The following SPIRE2 variants were observed in gnomAD, a reference collection of about 807,000 sequenced individuals.
SPIRE2 encodes protein spire homolog 2.
Under a neutral mutation model 80.7 loss-of-function variants are expected in SPIRE2, and 76 were observed. That is an observed-to-expected ratio of 0.94 (90% CI 0.78 to 1.14). The LOEUF (loss-of-function observed/expected upper bound fraction) is 1.14, where lower values mean the gene tolerates loss of function less well. Ranked by LOEUF, SPIRE2 falls within the 50% of genes most tolerant of loss-of-function variation. The pLI, the probability that SPIRE2 is intolerant of heterozygous loss-of-function variation, is 0.00. For missense variants in SPIRE2, 1,196 were observed against 1,015.3 expected, an observed-to-expected ratio of 1.18 and a Z score of -2.42; for synonymous variants, 535 against 432.6, an observed-to-expected ratio of 1.24 and a Z score of -2.94.
At chr16:89,843,012 T>C (rs766423903) in intron 1 of SPIRE2, among the ~76,000 whole-genome samples, 1 of 152,268 alleles carries the variant, frequency 6.6e-6, no homozygotes, top group Non-Finnish European at 1.5e-5. Context: ...GGCTTAGATA[T>C]AGACGCATAT....
rs533699585 is a variant in SPIRE2, at chr16:89,870,615, T to C, written c.*343T>C. The C allele has an allele frequency of 4.9e-6, 1 of 202,696 alleles. No homozygotes were observed. Among genetic ancestry groups the C allele is most frequent in the Admixed American group, 5.2e-5 (1 of 19,122 alleles). 12.6% of individuals were successfully genotyped at this position (202,696 alleles called of 1,614,324 possible). ...CCATGCTCTTCTCCGTCCCCAGGAA[T>C]GCGAACGGCAGTTTCCCTTCCCCAG... is the stretch of plus-strand genomic sequence containing the variant. On this transcript the variant is annotated 3_prime_UTR_variant, in exon 15 of 15. Coordinates refer to ENST00000378247, the MANE Select transcript of SPIRE2 (RefSeq NM_032451.2).
Position 89,828,869 on chromosome 16 carries a change from C to T in SPIRE2, c.244+75C>T. The T allele has an allele frequency of 9.0e-7, 1 of 1,117,206 alleles. No individual in the cohort carries two copies. The highest frequency in any genetic ancestry group is 1.1e-6 in the Non-Finnish European group (1 of 903,522). The allele number at this position is 1,117,206 out of a possible 1,614,324, so 69.2% of individuals were successfully genotyped here. Reference sequence around the variant, plus strand: ...GTCCCGCCCCCTGGGTGGGGGTGGTCCCGGCGGAGAGGCTGCGACCGGTTC... The same window carrying T: ...GTCCCGCCCCCTGGGTGGGGGTGGTTCCGGCGGAGAGGCTGCGACCGGTTC... On this transcript the variant is annotated intron_variant, in intron 1 of 14. Transcript: ENST00000378247. The surrounding 1 kb of genome is among the most constrained non-coding windows in gnomAD (Gnocchi z 5.9).
intron 1 of SPIRE2, among the ~76,000 whole-genome samples, chr16:89,844,414 G>T (rs1476555787): frequency 6.6e-5 from 10 of 151,042 alleles, no homozygotes; most frequent in Non-Finnish European, 1.5e-4. Flanking sequence ...AGCCTCAAGT[G>T]GTCCACCCAC....
intron 1 of SPIRE2, among the ~76,000 whole-genome samples, chr16:89,844,564 G>A (rs996008224): frequency 7.9e-5 from 12 of 151,436 alleles, no homozygotes; most frequent in Non-Finnish European, 1.5e-4. Context: ...TCACCCTCCC[G>A]AGTAGCTGGG....
intron 12 of SPIRE2, 31 bp from the exon 13 acceptor site, chr16:89,868,158 C>T: frequency 6.2e-7 from 1 of 1,614,022 alleles, no homozygotes; most frequent in South Asian, 1.1e-5. Context: ...TTCCTCCCTG[C>T]TGATGCTGCA....
chr16:89,860,842 T>G, intron 10 of SPIRE2, 47 bp downstream of exon 10: 1 of 1,239,160 alleles, frequency 8.1e-7, no homozygotes, highest in African/African-American at 1.6e-5. Context: ...GGGGGCGTCT[T>G]TGCACCCACC....
intron 1 of SPIRE2, among the ~76,000 whole-genome samples, chr16:89,829,613 C>T (rs1313616606): frequency 6.6e-6 from 1 of 152,206 alleles, no homozygotes; most frequent in Non-Finnish European, 1.5e-5. Context: ...AGGGCCAGGG[C>T]AAGGCCAGAC....
At chr16:89,856,485 C>T (rs1451093806) in intron 7 of SPIRE2, among the ~76,000 whole-genome samples, 4 of 151,972 alleles carry the variant, frequency 2.6e-5, no homozygotes, top group Non-Finnish European at 5.9e-5. Context: ...TGCTCTGTCG[C>T]CCAGGATGGA....
rs868669904 is a variant in SPIRE2 at position 89,843,708 on chromosome 16, T to G, written c.245-1614T>G. The stretch of plus-strand genomic sequence containing the variant: ...TTGTTTTTGTTTTTTGTTTTTTTTT[T>G]TTTTTTTTTGAGACAGAGTCTCGCT... On this transcript the variant is annotated intron_variant, in intron 1 of 14. Coordinates refer to ENST00000378247, the MANE Select transcript of SPIRE2 (RefSeq NM_032451.2). Among the ~76,000 whole-genome samples, 277 of 72,302 alleles carry G rather than the reference T, an allele frequency of 3.8e-3. 3 individuals are homozygous for G. The highest frequency in any genetic ancestry group is 6.0e-3 in the Non-Finnish European group (237 of 39,186). The allele number at this position is 72,302 out of a possible 152,430, so 47.4% of individuals were successfully genotyped here.
Position 89,828,803 on chromosome 16 carries a change from G to A in SPIRE2, c.244+9G>A, listed in dbSNP as rs2041351384. ...GGAGCCCGAGGCCGCGGGTGAGGCC[G>A]GGGGCGGGGCAGCCGGCGGGGACCG... On this transcript the variant is annotated intron_variant, in intron 1 of 14. Coordinates refer to ENST00000378247, the MANE Select transcript of SPIRE2 (RefSeq NM_032451.2). The surrounding 1 kb of genome is among the most constrained non-coding windows in gnomAD (Gnocchi z 5.9). The A allele has an allele frequency of 3.4e-6, 4 of 1,177,360 alleles. No homozygotes were observed. Among genetic ancestry groups the A allele is most frequent in the South Asian group, 8.4e-5 (2 of 23,896 alleles). The allele number at this position is 1,177,360 out of a possible 1,614,324, so 72.9% of individuals were successfully genotyped here. A position where few individuals can be genotyped will look rare whatever the true frequency, so the allele number is the denominator to read the frequency against.
At chr16:89,857,658 C>A (rs920370492) in intron 7 of SPIRE2, among the ~76,000 whole-genome samples, 1 of 151,592 alleles carries the variant, frequency 6.6e-6, no homozygotes, top group Non-Finnish European at 1.5e-5. Context: ...GCAACCTCCA[C>A]CTCCTGGGTT....
At chr16:89,829,905 G>A (rs1388255461) in intron 1 of SPIRE2, among the ~76,000 whole-genome samples, 2 of 151,376 alleles carry the variant, frequency 1.3e-5, no homozygotes, top group Admixed American at 1.3e-4. Flanking sequence ...CCCAGAGGGT[G>A]GGGTGAGACG....
At chr16:89,836,195 CAT>C (rs1194101980) in intron 1 of SPIRE2, 1 of 455,892 alleles carries the variant, frequency 2.2e-6, no homozygotes, top group Non-Finnish European at 4.4e-6. Flanking sequence ...ACAAAACAAA[CAT>C]AGGTTATTCT....
intron 2 of SPIRE2, 68 bp downstream of exon 2, chr16:89,845,433 A>G: frequency 7.5e-7 from 1 of 1,341,356 alleles, no homozygotes; most frequent in South Asian, 1.2e-5. Context: ...TAAAATGTAA[A>G]TCATAAAACA....
At chr16:89,829,943 A>T (rs1346015557) in intron 1 of SPIRE2, among the ~76,000 whole-genome samples, 1 of 151,308 alleles carries the variant, frequency 6.6e-6, no homozygotes, top group African/African-American at 2.4e-5. Flanking sequence ...AGGAGGCTGC[A>T]TGCTCACAGA....
intron 1 of SPIRE2, among the ~76,000 whole-genome samples, chr16:89,843,000 A>G (rs552698162): frequency 6.6e-6 from 1 of 152,376 alleles, no homozygotes; most frequent in African/African-American, 2.4e-5. Context: ...AGATGATTTC[A>G]TGGCTTAGAT....
At chr16:89,854,402 C>G (rs747332025) in intron 4 of SPIRE2, 36 bp downstream of exon 4, 1 of 1,610,342 alleles carries the variant, frequency 6.2e-7, no homozygotes, top group African/African-American at 1.3e-5. Flanking sequence ...GCCACTGACG[C>G]GGCCCAGCCT....
intron 9 of SPIRE2, among the ~76,000 whole-genome samples, chr16:89,859,742 C>G (rs1333068521): frequency 6.6e-6 from 1 of 152,122 alleles, no homozygotes; most frequent in Non-Finnish European, 1.5e-5. Context: ...GGAACCTGAG[C>G]CGTGATTCCT....
rs114978231 is a variant in SPIRE2, at chr16:89,863,449, G to C, written c.1576-27G>C. 1,785 of 1,613,432 alleles carry C rather than the reference G, an allele frequency of 1.1e-3. 10 individuals carry two copies. The African/African-American group carries it at 0.02, about 18-fold the overall frequency. On this transcript the variant is annotated intron_variant, in intron 10 of 14. Coordinates refer to ENST00000378247, the MANE Select transcript of SPIRE2 (RefSeq NM_032451.2). The surrounding 1 kb of genome is among the most constrained non-coding windows in gnomAD (Gnocchi z 4.3). ...AGCTAGGGGAGCCTCCTGCATAGAA[G>C]ACTTCCTACCTGAGGCCGTCCCCTA... is the stretch of plus-strand genomic sequence containing the variant.
Sources: gnomAD v4.1 joint callset for allele counts (sites outside exome capture counted in the v4.1 genomes callset) on GRCh38, gnomAD v4.1.1 for gene constraint, Gnocchi (gnomAD v3.1) non-coding constraint, MANE v1.5 for transcripts, NCBI Gene and HGNC (gene_info 2026-07-23, HGNC 2026-07-21) for gene names.